MYO15B: variants seen among roughly 807,000 people sequenced by gnomAD.
MYO15B encodes the protein myosin XVB, also known as myosin XVB pseudogene.
In MYO15B, 207 loss-of-function variants were observed where a neutral mutation model predicts 119.3. That is an observed-to-expected ratio of 1.73 (90% confidence interval 1.55 to 1.95). The LOEUF (loss-of-function observed/expected upper bound fraction) is 1.95. Among genes scored for constraint, MYO15B ranks in the 30% most tolerant of loss-of-function variants. The pLI is 0.00. For missense variants in MYO15B, 2,264 were observed against 1,203.1 expected, an observed-to-expected ratio of 1.88 and a Z score of -13.04; for synonymous variants, 966 against 498.9, an observed-to-expected ratio of 1.94 and a Z score of -12.48.
intron 21 of MYO15B, among the ~76,000 whole-genome samples, chr17:75,609,786 AT>A (rs2057901869): frequency 6.7e-6 from 1 of 148,646 alleles, no homozygotes; most frequent in South Asian, 2.2e-4. Flanking sequence ...GCTCACTTGA[AT>A]CTCCACCTCC....
exon 1 of MYO15B, chr17:75,590,115 C>A: frequency 2.5e-6 from 1 of 398,988 alleles, no homozygotes; most frequent in Non-Finnish European, 4.4e-6. Flanking sequence ...AGGATGAGGA[C>A]GAGGCGGTGC....
In MYO15B at chr17:75,603,432, ACCCT is replaced by A. The variant is rs1477678274; in HGVS notation, c.4016+126_4016+129del. On this transcript the variant is annotated intron_variant, in intron 19 of 63. Transcript: ENST00000645453. ...TGCCCAGGACTGGGCCTAGCACCCA[ACCCT>A]CCCTCTCTCTCCTCGTCCTCTCATC... The A allele has an allele frequency of 1.5e-5, 9 of 608,248 alleles. No homozygotes were observed. In the African/African-American group the frequency reaches 1.7e-4, roughly 11 times the overall value. The allele number at this position is 608,248 out of a possible 1,614,324, so 37.7% of individuals were successfully genotyped here.
At chr17:75,624,694 G>GTGGTT in intron 58 of MYO15B, 55 bp downstream of exon 58, 2 of 702,934 alleles carry the variant, frequency 2.8e-6, no homozygotes, top group Non-Finnish European at 5.2e-6. Flanking sequence ...CAGGGGTGAG[G>GTGGTT]TGGTTTGGTT....
At chr17:75,591,708 G>A in exon 5 of MYO15B, 1 of 702,780 alleles carries the variant, frequency 1.4e-6, no homozygotes, top group East Asian at 2.7e-5. Context: ...AACCGAGAGT[G>A]TCAGGTGAGG....
At chr17:75,624,193 A>G (rs898476871) in exon 56 of MYO15B, 3 of 702,922 alleles carry the variant, frequency 4.3e-6, no homozygotes, top group African/African-American at 3.5e-5. Flanking sequence ...CGGAGCAGCC[A>G]GGAGCACCTC....
At chr17:75,618,650 A>T (rs1322218432) in intron 43 of MYO15B, among the ~76,000 whole-genome samples, 1 of 152,240 alleles carries the variant, frequency 6.6e-6, no homozygotes. Flanking sequence ...CTGTGTCTCA[A>T]CAACAACAAG....
exon 55 of MYO15B, chr17:75,624,016 C>A (rs1156986775): frequency 1.4e-6 from 1 of 703,034 alleles, no homozygotes; most frequent in Admixed American, 2.0e-5. Flanking sequence ...GTCGACCAGG[C>A]TGATGCCCTA....
At chr17:75,601,470 C>G (rs1368572036) in exon 15 of MYO15B, 1 of 703,110 alleles carries the variant, frequency 1.4e-6, no homozygotes, top group South Asian at 1.5e-5. Flanking sequence ...AGAAGAGCCA[C>G]TATCACCATG....
chr17:75,588,496 A>T (rs1164954460), exon 1 of MYO15B: 2 of 398,414 alleles, frequency 5.0e-6, no homozygotes, highest in African/African-American at 4.1e-5. Flanking sequence ...CAGGAGCCTC[A>T]ATGGGGACAC....
intron 21 of MYO15B, among the ~76,000 whole-genome samples, chr17:75,609,095 G>A (rs1433340165): frequency 1.3e-5 from 2 of 152,052 alleles, no homozygotes; most frequent in Non-Finnish European, 2.9e-5. Context: ...CAAGCTCCTG[G>A]TCTCTAGTGA....
chr17:75,626,091 C>G (rs757116934), exon 63 of MYO15B: 1 of 702,774 alleles, frequency 1.4e-6, no homozygotes, highest in African/African-American at 1.7e-5. Flanking sequence ...CCCCCAGAGC[C>G]TGTACTGCCG....
Position 75,614,697 on chromosome 17 carries a change from G to C in MYO15B, c.5482+14G>C, listed in dbSNP as rs758675261. ...GGGACCACACAGGTAAGGCTGGAGTGGGCACATGGAGGTTGGCAGAGCATG... is the reference window on the plus strand; with the variant it reads ...GGGACCACACAGGTAAGGCTGGAGTCGGCACATGGAGGTTGGCAGAGCATG... On this transcript the variant is annotated intron_variant, in intron 31 of 63. Coordinates refer to ENST00000645453, the Ensembl canonical transcript of MYO15B. The C allele has an allele frequency of 4.3e-6, 3 of 702,504 alleles. No homozygotes were observed. The South Asian group carries it at 4.4e-5, about 10-fold the overall frequency. 43.5% of individuals were successfully genotyped at this position (702,504 alleles called of 1,614,324 possible).
intron 41 of MYO15B, chr17:75,617,549 C>T (rs2058449126): frequency 2.4e-6 from 1 of 417,234 alleles, no homozygotes; most frequent in South Asian, 2.9e-5. Flanking sequence ...GTCCCTGACA[C>T]ATACCCGACA....
In MYO15B at chr17:75,623,685, GC is replaced by G. The variant is rs2058836130; in HGVS notation, c.8083-92del. Reference sequence around the variant, plus strand: ...AAGCTGAGAGAGACATCTTGAGCCAGCCCCAGCCCATGGCCTAGCAGGGTTT... The same window carrying G: ...AAGCTGAGAGAGACATCTTGAGCCAGCCCAGCCCATGGCCTAGCAGGGTTT... On this transcript the variant is annotated intron_variant, in intron 53 of 63. Coordinates refer to ENST00000645453, the Ensembl canonical transcript of MYO15B. 81 of 674,124 alleles carry G rather than the reference GC, an allele frequency of 1.2e-4. No individual in the cohort carries two copies. In the South Asian group the frequency reaches 1.3e-3, roughly 11 times the overall value. The allele number at this position is 674,124 out of a possible 1,614,324, so 41.8% of individuals were successfully genotyped here. A position where few individuals can be genotyped will look rare whatever the true frequency, so the allele number is the denominator to read the frequency against.
chr17:75,603,933 C>G (rs2057450715), intron 19 of MYO15B, among the ~76,000 whole-genome samples: 1 of 152,156 alleles, frequency 6.6e-6, no homozygotes, highest in Admixed American at 6.5e-5. Flanking sequence ...CAGGTGGAGT[C>G]ACTTCTCGTT....
rs2056238617 is a variant in MYO15B at position 75,589,040 on chromosome 17, C to T, written c.983C>T (p.Pro328Leu). 5 of 396,998 alleles carry T rather than the reference C, an allele frequency of 1.3e-5. No individual in the cohort carries two copies. In the South Asian group the frequency reaches 6.4e-4, roughly 51 times the overall value. 24.6% of individuals were successfully genotyped at this position (396,998 alleles called of 1,614,324 possible). A position where few individuals can be genotyped will look rare whatever the true frequency, so the allele number is the denominator to read the frequency against. Reference sequence around the variant, plus strand: ...GCGGGAGCCGCAGCAGGAGCGGGGCCGGAGGACCCAGCCCCGCTGGCGGCC... The same window carrying T: ...GCGGGAGCCGCAGCAGGAGCGGGGCTGGAGGACCCAGCCCCGCTGGCGGCC... Residue 328 changes from proline (P) to leucine (L), a missense_variant, in exon 1 of 64, where the codon CCG (proline) becomes CTG (leucine). Coordinates refer to ENST00000645453, the Ensembl canonical transcript of MYO15B. This position sits in a 1 kb window ranked among gnomAD's most constrained non-coding sequence, Gnocchi z 4.2.
At chr17:75,620,075 AT>A (rs1465523742) in intron 47 of MYO15B, 55 bp downstream of exon 47, 8 of 677,770 alleles carry the variant, frequency 1.2e-5, no homozygotes, top group Non-Finnish European at 2.2e-5. Context: ...CCGATGCTGC[AT>A]CTCCCTGTCC....
intron 19 of MYO15B, 71 bp downstream of exon 19, chr17:75,603,383 T>A: frequency 1.5e-6 from 1 of 683,510 alleles, no homozygotes; most frequent in South Asian, 1.6e-5. Flanking sequence ...CCGGGGGTCC[T>A]TCTGATTGGA....
rs143187531 is a variant in MYO15B, at chr17:75,611,377, C to T, written c.4447-224C>T. 1.2e-3 allele frequency among the ~76,000 whole-genome samples: 176 copies of T among 150,462 alleles called. 1 individual carries two copies. The highest frequency in any genetic ancestry group is 4.1e-3 in the African/African-American group (168 of 40,786). ...CTCAGGAGGTTTGAGGTGGGAGGAT[C>T]GCTTGAGCTAGAGCCTCAGAAGTCA... On this transcript the variant is annotated intron_variant, in intron 23 of 63. Transcript: ENST00000645453.
Sources: allele counts gnomAD v4.1 joint callset (sites outside exome capture counted in the v4.1 genomes callset), GRCh38; gene constraint gnomAD v4.1.1; non-coding constraint Gnocchi (gnomAD v3.1); transcripts MANE v1.5; gene names NCBI Gene and HGNC (gene_info 2026-07-23, HGNC 2026-07-21).